PLBD2: variants seen among roughly 807,000 people sequenced by gnomAD.
PLBD2 encodes putative aminopeptidase PLBD2.
A neutral mutation model predicts 68.3 loss-of-function variants in PLBD2; 51 were observed. The ratio of observed to expected loss-of-function variants is 0.75; its 90% CI spans 0.60 to 0.94. The LOEUF is 0.94. Ranked by LOEUF, PLBD2 falls within the 40% of genes least tolerant of loss-of-function variation. The pLI is 0.00. For synonymous variants in PLBD2, 314 were observed against 339.3 expected (o/e 0.93, Z 0.82); for missense variants, 729 against 792.2 (o/e 0.92, Z 0.96).
At chr12:113,383,996 CAAAAAAAAA>C (rs376758985) in intron 6 of PLBD2, 100 bp from the exon 7 acceptor site, 3 of 490,518 alleles carry the variant, frequency 6.1e-6, no homozygotes, top group South Asian at 6.0e-5. Flanking sequence ...GACTCTATCT[CAAAAAAAAA>C]AAAAAAAAAA....
intron 11 of PLBD2, 57 bp from the exon 12 acceptor site, chr12:113,388,402 G>A: frequency 6.9e-7 from 1 of 1,455,058 alleles, no homozygotes; most frequent in Non-Finnish European, 9.1e-7. Context: ...GAGGCTGGGT[G>A]CCTGGATTGG....
At chr12:113,379,489 A>G (rs1957465526) in intron 5 of PLBD2, among the ~76,000 whole-genome samples, 1 of 152,082 alleles carries the variant, frequency 6.6e-6, no homozygotes, top group Admixed American at 6.6e-5. Context: ...TGCAGATGAT[A>G]ATTCTCTGCC....
Position 113,358,647 on chromosome 12 carries a change from C to T in PLBD2, c.47C>T (p.Ala16Val), listed in dbSNP as rs1380069756. Residue 16 changes from alanine (A) to valine (V), a missense_variant, in exon 1 of 12, where the codon GCG (alanine) becomes GTG (valine). By Grantham distance (64) the Ala-to-Val change is moderately conservative. Transcript: ENST00000280800. ...YCYPGSHLAR[A>V]LTRALALALV... ...TACCCCGGCAGCCACCTGGCCCGGG[C>T]GCTGACGCGGGCGCTGGCGCTGGCC... is the stretch of plus-strand genomic sequence containing the variant. 3 of 1,463,492 alleles carry T rather than the reference C, an allele frequency of 2.0e-6. No homozygotes were observed. The highest frequency in any genetic ancestry group is 1.3e-5 in the South Asian group (1 of 75,290). The allele number at this position is 1,463,492 out of a possible 1,614,324, so 90.7% of individuals were successfully genotyped here. A position where few individuals can be genotyped will look rare whatever the true frequency, so the allele number is the denominator to read the frequency against.
rs1228367918 is a variant in PLBD2, at chr12:113,389,967, A to G, written c.*1341A>G. 1 of 151,874 alleles carries G rather than the reference A, an allele frequency of 6.6e-6. No homozygotes were observed. The highest frequency in any genetic ancestry group is 1.9e-4 in the East Asian group (1 of 5,140). The allele number at this position is 151,874 out of a possible 1,614,324, so 9.4% of individuals were successfully genotyped here. ...GTGATCCGCCCGTCTTGGCCTCCCA[A>G]AGTGCTTGGATTACAGATGTGAGCC... On this transcript the variant is annotated 3_prime_UTR_variant, in exon 12 of 12. Coordinates refer to ENST00000280800, the MANE Select transcript of PLBD2 (RefSeq NM_173542.4).
chr12:113,365,013 A>T (rs749062539), intron 1 of PLBD2, among the ~76,000 whole-genome samples: 4 of 152,168 alleles, frequency 2.6e-5, no homozygotes, highest in Non-Finnish European at 4.4e-5. Context: ...GAAATTTAAA[A>T]ATCTAATTTT....
intron 9 of PLBD2, among the ~76,000 whole-genome samples, chr12:113,386,150 T>A (rs1304276090): frequency 2.0e-5 from 3 of 152,174 alleles, no homozygotes; most frequent in African/African-American, 7.2e-5. Flanking sequence ...ATTATTGTTA[T>A]CCCGAATGTC....
Position 113,384,065 on chromosome 12 carries a change from A to C in PLBD2, c.958-40A>C. 6.8e-7 allele frequency: 1 copy of C among 1,470,284 alleles called. No individual in the cohort carries two copies. The highest frequency in any genetic ancestry group is 9.1e-7 in the Non-Finnish European group (1 of 1,102,920). 91.1% of individuals were successfully genotyped at this position (1,470,284 alleles called of 1,614,324 possible). On this transcript the variant is annotated intron_variant, in intron 6 of 11. Coordinates refer to ENST00000280800, the MANE Select transcript of PLBD2 (RefSeq NM_173542.4). The surrounding 1 kb of genome is among the most constrained non-coding windows in gnomAD (Gnocchi z 4.2). ...TGAAGTACTGCCACTTGGTGGCAGC[A>C]TGCCTAGGCTGTGCAGCAGCCCCCT...
At chr12:113,379,900 C>G (rs778900662) in intron 5 of PLBD2, among the ~76,000 whole-genome samples, 1 of 152,158 alleles carries the variant, frequency 6.6e-6, no homozygotes, top group Non-Finnish European at 1.5e-5. Context: ...CATATACCCA[C>G]GCACACACAG....
intron 1 of PLBD2, among the ~76,000 whole-genome samples, chr12:113,362,633 G>T (rs906366106): frequency 4.6e-5 from 7 of 151,656 alleles, no homozygotes; most frequent in Admixed American, 4.6e-4. Context: ...ACCTACTGCT[G>T]CCAACTTTTA....
At chr12:113,367,932 A>G (rs1957355960) in intron 1 of PLBD2, among the ~76,000 whole-genome samples, 1 of 151,740 alleles carries the variant, frequency 6.6e-6, no homozygotes, top group Non-Finnish European at 1.5e-5. Context: ...AAATACACAA[A>G]TTAGCTGGGT....
Position 113,372,849 on chromosome 12 carries a change from T to G in PLBD2, c.543+42T>G. On this transcript the variant is annotated intron_variant, in intron 3 of 11. Transcript: ENST00000280800. This position sits in a 1 kb window ranked among gnomAD's most constrained non-coding sequence, Gnocchi z 4.2. ...CGCTTGGTGGGAGGGGGCTTCCAGC[T>G]GGCCAGCCATCCTGTCTCCTGTTGT... The G allele has an allele frequency of 1.9e-6, 3 of 1,595,698 alleles. No individual in the cohort carries two copies. In the Admixed American group the frequency reaches 5.0e-5, roughly 27 times the overall value.
chr12:113,387,595 A>G, intron 10 of PLBD2, 149 bp from the exon 11 acceptor site: 1 of 854,270 alleles, frequency 1.2e-6, no homozygotes, highest in South Asian at 1.6e-5. Flanking sequence ...GGCCCCAGGC[A>G]GAGGAACTGT....
chr12:113,379,551 A>G (rs1957466356), intron 5 of PLBD2, among the ~76,000 whole-genome samples: 1 of 152,156 alleles, frequency 6.6e-6, no homozygotes, highest in Non-Finnish European at 1.5e-5. Flanking sequence ...AGGGGTAATG[A>G]GCCTCCAGCA....
chr12:113,388,004 A>G, intron 11 of PLBD2, 98 bp downstream of exon 11: 1 of 1,438,268 alleles, frequency 7.0e-7, no homozygotes, highest in Non-Finnish European at 9.6e-7. Flanking sequence ...ATGGCGGGGC[A>G]GGAATCACAG....
Position 113,384,021 on chromosome 12 carries a change from T to C in PLBD2, c.958-84T>C. The C allele has an allele frequency of 1.3e-6, 1 of 753,918 alleles. No homozygotes were observed. The highest frequency in any genetic ancestry group is 4.7e-5 in the South Asian group (1 of 21,164). The allele number at this position is 753,918 out of a possible 1,614,324, so 46.7% of individuals were successfully genotyped here. ...CAAAAAAAAAAAAAAAAAAAAAAAA[T>C]TTTTGGAGCCATGACTGATGAAGTA... is the stretch of plus-strand genomic sequence containing the variant. On this transcript the variant is annotated intron_variant, in intron 6 of 11. Transcript: ENST00000280800. The surrounding 1 kb of genome is among the most constrained non-coding windows in gnomAD (Gnocchi z 4.2).
At chr12:113,371,250 C>T (rs1309237503) in intron 2 of PLBD2, among the ~76,000 whole-genome samples, 2 of 152,030 alleles carry the variant, frequency 1.3e-5, no homozygotes, top group East Asian at 3.9e-4. Context: ...TAGAGGTGAC[C>T]CACGGACATG....
intron 1 of PLBD2, among the ~76,000 whole-genome samples, chr12:113,361,697 G>A (rs1423531162): frequency 6.6e-6 from 1 of 151,882 alleles, no homozygotes; most frequent in Non-Finnish European, 1.5e-5. Flanking sequence ...CCCCCACACA[G>A]CCTGGAAACA....
rs1279145004 is a variant in PLBD2 at position 113,390,625 on chromosome 12, C to T, written c.*1999C>T. On this transcript the variant is annotated 3_prime_UTR_variant, in exon 12 of 12. Transcript: ENST00000280800. ...ATCCAACCTTCCAACCATTTATCCA[C>T]CCATCCAACTATTTCCATCTGTTCA... 1 of 152,156 alleles carries T rather than the reference C, an allele frequency of 6.6e-6. No individual in the cohort carries two copies. Among genetic ancestry groups the T allele is most frequent in the Non-Finnish European group, 1.5e-5 (1 of 68,036 alleles). The allele number at this position is 152,156 out of a possible 1,614,324, so 9.4% of individuals were successfully genotyped here. A position where few individuals can be genotyped will look rare whatever the true frequency, so the allele number is the denominator to read the frequency against.
chr12:113,370,768 T>TA (rs1957382959), intron 2 of PLBD2, among the ~76,000 whole-genome samples: 1 of 152,210 alleles, frequency 6.6e-6, no homozygotes, highest in African/African-American at 2.4e-5. Flanking sequence ...ACGAGCCACC[T>TA]GGCCTAGGCT....
Sources: gnomAD v4.1 joint callset for allele counts (sites outside exome capture counted in the v4.1 genomes callset) on GRCh38, gnomAD v4.1.1 for gene constraint, Gnocchi (gnomAD v3.1) non-coding constraint, MANE v1.5 for transcripts, NCBI Gene and HGNC (gene_info 2026-07-23, HGNC 2026-07-21) for gene names.